The following FAM120B variants were observed in gnomAD, a reference collection of about 807,000 sequenced individuals.
The protein encoded by FAM120B is family with sequence similarity 120 member B, also known as constitutive coactivator of peroxisome proliferator-activated receptor gamma.
A neutral mutation model predicts 96.3 loss-of-function variants in FAM120B; 83 were observed. The observed-to-expected ratio is 0.86, with a 90% CI of 0.72 to 1.03. FAM120B has a LOEUF of 1.03. FAM120B is among the 50% of genes least tolerant of loss of function. The pLI is 0.00. For missense variants in FAM120B, 1,027 were observed against 1,121.2 expected (o/e 0.92, Z 1.20); for synonymous variants, 407 against 402.7 (o/e 1.01, Z -0.13).
intron 4 of FAM120B, among the ~76,000 whole-genome samples, chr6:170,341,279 TC>T (rs1248744680): frequency 1.3e-5 from 2 of 152,148 alleles, no homozygotes; most frequent in Non-Finnish European, 2.9e-5. Flanking sequence ...AGTCCAAACT[TC>T]CTGGCCTCCC....
At chr6:170,396,847 C>T (rs992397680) in intron 9 of FAM120B, among the ~76,000 whole-genome samples, 22 of 152,166 alleles carry the variant, frequency 1.4e-4, no homozygotes, top group African/African-American at 5.1e-4. Context: ...AACAGGGAAC[C>T]CAAAAACAAT....
intron 5 of FAM120B, among the ~76,000 whole-genome samples, chr6:170,356,828 C>T (rs982763600): frequency 2.0e-5 from 3 of 152,136 alleles, no homozygotes; most frequent in African/African-American, 7.2e-5. Context: ...ATTAGAGACT[C>T]ATCTGAGAAT....
intron 6 of FAM120B, among the ~76,000 whole-genome samples, chr6:170,379,362 CTG>C (rs982262604): frequency 6.6e-6 from 1 of 152,200 alleles, no homozygotes; most frequent in African/African-American, 2.4e-5. Flanking sequence ...TTTCTCAAAA[CTG>C]TGATTATTAG....
chr6:170,290,895 G>A, upstream of FAM120B: 3 of 691,234 alleles, frequency 4.3e-6, no homozygotes, highest in South Asian at 3.0e-5. This position sits in a 1 kb window ranked among gnomAD's most constrained non-coding sequence, Gnocchi z 4.7. Context: ...GCCCTCGGCC[G>A]GGTCGGGTCT....
chr6:170,400,873 C>A (rs1778540372), intron 9 of FAM120B, among the ~76,000 whole-genome samples: 1 of 152,108 alleles, frequency 6.6e-6, no homozygotes, highest in Admixed American at 6.5e-5. Context: ...CCCAGGGCTC[C>A]CCCAGAGCAT....
chr6:170,310,709 G>T (rs1784539663), intron 1 of FAM120B, among the ~76,000 whole-genome samples: 2 of 152,218 alleles, frequency 1.3e-5, no homozygotes, highest in Admixed American at 6.5e-5. Flanking sequence ...GGACTAGAGG[G>T]GCTGCCATGG....
Position 170,317,959 on chromosome 6 carries a change from A to G in FAM120B, c.569A>G (p.Tyr190Cys), listed in dbSNP as rs753938681. 5 of 1,613,986 alleles carry G rather than the reference A, an allele frequency of 3.1e-6. No homozygotes were observed. The South Asian group carries it at 5.5e-5, about 18-fold the overall frequency. ...TACCTAATCTATGACACTTGTCCCT[A>G]CTTTTCAATTAGCGAGCTCTGCCTA... ...TDYLIYDTCPYFSISELCLES... is the reference protein window; with the variant it reads ...TDYLIYDTCPCFSISELCLES... The change falls in exon 2 of 11, where the codon TAC becomes TGC. Residue 190 changes from tyrosine to cysteine, a missense_variant. Coordinates refer to ENST00000476287, the MANE Select transcript of FAM120B (RefSeq NM_032448.3).
At chr6:170,320,481 C>T (rs1785212671) in intron 2 of FAM120B, among the ~76,000 whole-genome samples, 1 of 152,088 alleles carries the variant, frequency 6.6e-6, no homozygotes, top group African/African-American at 2.4e-5. Flanking sequence ...TAGGAAGAAA[C>T]AAATTCAAGA....
At position 170,300,026 on chromosome 6, in the gene FAM120B, A is replaced by G. The variant is rs538270553; in HGVS notation, c.48+4573A>G. 6.6e-5 allele frequency among the ~76,000 whole-genome samples: 10 copies of G among 152,302 alleles called. No homozygotes were observed. The South Asian group carries it at 1.9e-3, about 28-fold the overall frequency. On this transcript the variant is annotated intron_variant, in intron 1 of 10. Transcript: ENST00000537664. Reference sequence around the variant, plus strand: ...TTTAATGTGCATTCTCTATGTAGAAATCAGTATGTTTTCATGGTTTTGGCT... The same window carrying G: ...TTTAATGTGCATTCTCTATGTAGAAGTCAGTATGTTTTCATGGTTTTGGCT...
chr6:170,404,601 G>A lies in FAM120B; in HGVS notation c.*11G>A, dbSNP rs1333732563. 2 of 1,611,162 alleles carry A rather than the reference G, an allele frequency of 1.2e-6. No homozygotes were observed. The highest frequency in any genetic ancestry group is 1.7e-6 in the Non-Finnish European group (2 of 1,177,464). On this transcript the variant is annotated splice_region_variant and 3_prime_UTR_variant, in exon 10 of 11. Coordinates refer to ENST00000476287, the MANE Select transcript of FAM120B (RefSeq NM_032448.3). The stretch of plus-strand genomic sequence containing the variant: ...TGGAGAAGGTACTAGTCAACCTCCA[G>A]GTAAGTTCATCACCTGCATCTCCAG...
chr6:170,358,919 G>T (rs1300815848), intron 6 of FAM120B, among the ~76,000 whole-genome samples: 1 of 152,186 alleles, frequency 6.6e-6, no homozygotes, highest in Non-Finnish European at 1.5e-5. Context: ...CCTGGGTACT[G>T]GGTGTTGTTT....
chr6:170,303,292 T>G (rs998867981), upstream of FAM120B, among the ~76,000 whole-genome samples: 2 of 152,144 alleles, frequency 1.3e-5, no homozygotes, highest in African/African-American at 2.4e-5. Context: ...CAGGCTGGAG[T>G]GTGGTGGCAC....
At chr6:170,319,506 A>G (rs1423519410) in intron 2 of FAM120B, among the ~76,000 whole-genome samples, 2 of 152,156 alleles carry the variant, frequency 1.3e-5, no homozygotes, top group African/African-American at 2.4e-5. Context: ...TGTCTCTACT[A>G]AAAATACAGA....
In FAM120B at chr6:170,318,058, C is replaced by G. The variant is rs1785017053; in HGVS notation, c.668C>G (p.Pro223Arg). ...ESLGLCVADL[P>R]LLACLLGNDI... ...CTGGGCCTCTGTGTGGCCGACCTTC[C>G]TCTTCTGGCCTGCCTCCTTGGCAAC... Residue 223 changes from proline to arginine, a missense_variant, in exon 2 of 11, where the codon CCT (proline) becomes CGT (arginine). Around this residue, in one of 3 missense-constraint regions of FAM120B, gnomAD observed 880 missense variants for 980.9 expected, o/e 0.90. Transcript: ENST00000476287. 2 of 1,614,064 alleles carry G rather than the reference C, an allele frequency of 1.2e-6. No individual in the cohort carries two copies. Among genetic ancestry groups the G allele is most frequent in the Admixed American group, 1.7e-5 (1 of 60,010 alleles).
chr6:170,333,848 C>A (rs1786234215), intron 4 of FAM120B, among the ~76,000 whole-genome samples: 1 of 152,166 alleles, frequency 6.6e-6, no homozygotes, highest in Non-Finnish European at 1.5e-5. Context: ...TACTACATTT[C>A]ATTTCTTTTA....
At chr6:170,316,961 A>G (rs1233356839) in intron 1 of FAM120B, among the ~76,000 whole-genome samples, 1 of 152,234 alleles carries the variant, frequency 6.6e-6, no homozygotes, top group African/African-American at 2.4e-5. Context: ...ACTCAGAAAA[A>G]TTATATTGAG....
At chr6:170,373,658 C>G (rs1243165068) in intron 6 of FAM120B, among the ~76,000 whole-genome samples, 1 of 152,178 alleles carries the variant, frequency 6.6e-6, no homozygotes, top group Non-Finnish European at 1.5e-5. Context: ...GACCTCCTAA[C>G]AGAAATTTGC....
chr6:170,348,356 G>A, intron 5 of FAM120B, 33 bp downstream of exon 5: 4 of 1,600,384 alleles, frequency 2.5e-6, no homozygotes, highest in Non-Finnish European at 3.4e-6. Flanking sequence ...AGTCACTGCA[G>A]CCTGCGCTTA....
chr6:170,401,603 A>T (rs73253608), intron 9 of FAM120B, among the ~76,000 whole-genome samples: 302 of 152,254 alleles, frequency 2.0e-3, no homozygotes, highest in African/African-American at 6.4e-3. Context: ...CTTATTTCTT[A>T]CTTCTTTCTG....
Sources: gnomAD v4.1 joint callset for allele counts (sites outside exome capture counted in the v4.1 genomes callset) on GRCh38, gnomAD v4.1.1 for gene constraint, gnomAD v4.1.1 regional missense constraint, Gnocchi (gnomAD v3.1) non-coding constraint, MANE v1.5 for transcripts, NCBI Gene and HGNC (gene_info 2026-07-23, HGNC 2026-07-21) for gene names.